ANKS1B: variants seen among roughly 807,000 people sequenced by gnomAD.
ANKS1B encodes ankyrin repeat and sterile alpha motif domain-containing protein 1B.
In ANKS1B, 36 loss-of-function variants were observed where a neutral mutation model predicts 148.3. That is an observed-to-expected ratio of 0.24 (90% CI 0.19 to 0.32). The LOEUF (loss-of-function observed/expected upper bound fraction) is 0.32. Among genes scored for constraint, ANKS1B ranks in the 10% least tolerant of loss-of-function variants. The pLI is 1.00. For missense variants in ANKS1B, 1,157 were observed against 1,542.6 expected, an observed-to-expected ratio of 0.75 and a Z score of 4.19; for synonymous variants, 542 against 560.8, an observed-to-expected ratio of 0.97 and a Z score of 0.47.
intron 17 of ANKS1B, among the ~76,000 whole-genome samples, chr12:99,000,174 G>A (rs1407629884): frequency 6.6e-6 from 1 of 151,586 alleles, no homozygotes; most frequent in Non-Finnish European, 1.5e-5. Context: ...CAAAAATAGT[G>A]ACAAACAGAA....
At chr12:99,833,197 C>T (rs1026464454) in intron 1 of ANKS1B, among the ~76,000 whole-genome samples, 1 of 152,140 alleles carries the variant, frequency 6.6e-6, no homozygotes, top group East Asian at 1.9e-4. Context: ...GATAGGTTTG[C>T]TCCAGATTAC....
At chr12:98,865,342 C>G (rs1244827074) in intron 17 of ANKS1B, among the ~76,000 whole-genome samples, 2 of 152,178 alleles carry the variant, frequency 1.3e-5, no homozygotes, top group Non-Finnish European at 1.5e-5. Context: ...CATTCATCTG[C>G]CCAAGCTGGA....
chr12:98,778,607 C>T (rs2098703479), intron 24 of ANKS1B, among the ~76,000 whole-genome samples: 1 of 152,152 alleles, frequency 6.6e-6, no homozygotes, highest in African/African-American at 2.4e-5. Flanking sequence ...AAGTAGCATA[C>T]ACAGGTGTCC....
At chr12:99,249,185 G>C (rs1033051631) in intron 12 of ANKS1B, among the ~76,000 whole-genome samples, 1 of 152,134 alleles carries the variant, frequency 6.6e-6, no homozygotes, top group Non-Finnish European at 1.5e-5. Flanking sequence ...GCTGAAGAAG[G>C]ATAAAAGGTC....
chr12:98,895,225 C>CG, intron 17 of ANKS1B: 2 of 985,500 alleles, frequency 2.0e-6, no homozygotes, highest in Non-Finnish European at 2.4e-6. Context: ...TGCCGGCGCG[C>CG]GGGGGCCTCC....
intron 17 of ANKS1B, among the ~76,000 whole-genome samples, chr12:98,982,798 C>T (rs962922130): frequency 7.2e-5 from 11 of 151,958 alleles, no homozygotes; most frequent in African/African-American, 2.4e-4. Flanking sequence ...TTCATTTTAC[C>T]GTTGTTGAAT....
At chr12:99,215,688 G>T (rs975533627) in intron 14 of ANKS1B, among the ~76,000 whole-genome samples, 5 of 152,168 alleles carry the variant, frequency 3.3e-5, no homozygotes, top group Non-Finnish European at 5.9e-5. Flanking sequence ...TAGCCCCCTT[G>T]TTTTGGCCAA....
chr12:99,584,510 T>C (rs912550441), intron 9 of ANKS1B, among the ~76,000 whole-genome samples: 1 of 151,884 alleles, frequency 6.6e-6, no homozygotes, highest in African/African-American at 2.4e-5. Context: ...AGTTAAAGGA[T>C]TGTTTGAGCC....
intron 12 of ANKS1B, among the ~76,000 whole-genome samples, chr12:99,323,900 TATA>T (rs1280387980): frequency 2.2e-4 from 34 of 152,168 alleles, no homozygotes; most frequent in Admixed American, 2.6e-4. Context: ...CAACTTCTTG[TATA>T]ATATTTTTTT....
chr12:99,117,452 A>G (rs902271679), intron 15 of ANKS1B, among the ~76,000 whole-genome samples: 2 of 152,178 alleles, frequency 1.3e-5, no homozygotes, highest in Non-Finnish European at 2.9e-5. Flanking sequence ...CTACTGAGAT[A>G]ATCATATGGT....
At chr12:99,307,996 G>C (rs1224641386) in intron 12 of ANKS1B, among the ~76,000 whole-genome samples, 1 of 152,006 alleles carries the variant, frequency 6.6e-6, no homozygotes, top group Non-Finnish European at 1.5e-5. Context: ...CATCAAATAA[G>C]CCTTGTTCTC....
At chr12:99,600,882 A>G (rs1267558334) in intron 9 of ANKS1B, among the ~76,000 whole-genome samples, 3 of 152,116 alleles carry the variant, frequency 2.0e-5, no homozygotes, top group African/African-American at 7.2e-5. Context: ...TAAATGAGCT[A>G]TGTATTGCTT....
intron 1 of ANKS1B, among the ~76,000 whole-genome samples, chr12:99,963,791 A>G (rs2095448443): frequency 6.6e-6 from 1 of 152,212 alleles, no homozygotes; most frequent in Non-Finnish European, 1.5e-5. Context: ...CAGATGTGCC[A>G]TATTTTATAA....
chr12:99,263,490 C>T (rs916781427), intron 12 of ANKS1B, among the ~76,000 whole-genome samples: 2 of 152,084 alleles, frequency 1.3e-5, no homozygotes, highest in African/African-American at 4.8e-5. Context: ...ATTTCCCTTG[C>T]CCATTCTTGA....
At chr12:99,973,493 T>C (rs2095586352) in intron 1 of ANKS1B, among the ~76,000 whole-genome samples, 1 of 152,204 alleles carries the variant, frequency 6.6e-6, no homozygotes, top group South Asian at 2.1e-4. Flanking sequence ...AAGCAAAGAA[T>C]CACTGAGTCT....
chr12:99,614,687 C>A (rs1353465046), intron 9 of ANKS1B, among the ~76,000 whole-genome samples: 5 of 151,818 alleles, frequency 3.3e-5, no homozygotes, highest in African/African-American at 1.2e-4. Context: ...TTTATGTGAT[C>A]TCTACTGTTG....
At chr12:99,674,616 A>G (rs2098553607) in intron 8 of ANKS1B, among the ~76,000 whole-genome samples, 1 of 151,830 alleles carries the variant, frequency 6.6e-6, no homozygotes, top group Admixed American at 6.6e-5. Flanking sequence ...ATAAAAAATA[A>G]GTGGATTACT....
intron 24 of ANKS1B, among the ~76,000 whole-genome samples, chr12:98,777,895 T>G (rs1284438406): frequency 6.6e-6 from 1 of 152,122 alleles, no homozygotes; most frequent in Non-Finnish European, 1.5e-5. Flanking sequence ...TAACACACAA[T>G]GAATTATCAC....
chr12:99,220,397 A>T (rs998003366), intron 14 of ANKS1B, among the ~76,000 whole-genome samples: 1 of 152,154 alleles, frequency 6.6e-6, no homozygotes, highest in African/African-American at 2.4e-5. Flanking sequence ...GTAGAAATTA[A>T]GTAAAAAACA....
Sources: allele counts gnomAD v4.1 joint callset (sites outside exome capture counted in the v4.1 genomes callset), GRCh38; gene constraint gnomAD v4.1.1; transcripts MANE v1.5; gene names NCBI Gene and HGNC (gene_info 2026-07-23, HGNC 2026-07-21).